Variants in PCDHA8 observed in about 807,000 individuals in gnomAD.
PCDHA8 encodes protocadherin alpha-8.
PCDHA8 carries 53 observed loss-of-function variants against 61.8 expected under a neutral mutation model. The ratio of observed to expected loss-of-function variants is 0.86; its 90% CI spans 0.69 to 1.08. The LOEUF is 1.08. Ranked by LOEUF, PCDHA8 falls within the 50% of genes least tolerant of loss-of-function variation. The pLI is 0.00. For missense variants in PCDHA8, 1,293 were observed against 1,245.0 expected (o/e 1.04, Z -0.58); for synonymous variants, 618 against 556.6 (o/e 1.11, Z -1.55).
At chr5:140,926,557 C>G (rs2083347198) in intron 1 of PCDHA8, 1 of 241,254 alleles carries the variant, frequency 4.1e-6, no homozygotes. Context: ...GACCCCAGCC[C>G]GCTGCTACTG....
chr5:140,929,179 G>T (rs782673786), intron 1 of PCDHA8: 5 of 1,614,104 alleles, frequency 3.1e-6, no homozygotes, highest in Non-Finnish European at 4.2e-6. Context: ...TCTGGGACTT[G>T]GTTCTGATAA....
At chr5:140,884,547 C>T (rs1554181712) in intron 1 of PCDHA8, 5 of 1,614,214 alleles carry the variant, frequency 3.1e-6, no homozygotes, top group Admixed American at 1.7e-5. Context: ...AGGGTGTGCT[C>T]TGGGGAGGGC....
Position 140,852,025 on chromosome 5 carries a change from G to A in PCDHA8, c.2394+8310G>A, listed in dbSNP as rs955032010. 1.9e-4 allele frequency: 179 copies of A among 947,094 alleles called. 7 individuals are homozygous for A. The highest frequency in any genetic ancestry group is 4.5e-4 in the African/African-American group (25 of 55,960). The allele number at this position is 947,094 out of a possible 1,614,324, so 58.7% of individuals were successfully genotyped here. A position where few individuals can be genotyped will look rare whatever the true frequency, so the allele number is the denominator to read the frequency against. On this transcript the variant is annotated intron_variant, in intron 1 of 3. Coordinates refer to ENST00000531613, the MANE Select transcript of PCDHA8 (RefSeq NM_018911.3). ...TCTAATTTATAGTTTTAAAAACTTC[G>A]CTTATTGAGTTTTTGTTATGTGGTT...
chr5:140,890,870 T>A (rs1217710440), intron 1 of PCDHA8, among the ~76,000 whole-genome samples: 1 of 152,226 alleles, frequency 6.6e-6, no homozygotes, highest in Non-Finnish European at 1.5e-5. Flanking sequence ...CTTGCCCCTC[T>A]GACCTTTCAT....
intron 1 of PCDHA8, among the ~76,000 whole-genome samples, chr5:140,965,085 C>T (rs1439379437): frequency 6.6e-6 from 1 of 152,142 alleles, no homozygotes; most frequent in African/African-American, 2.4e-5. Context: ...TGACTTTGTT[C>T]CAGTCCATAG....
At chr5:140,882,606 C>A (rs782588313) in intron 1 of PCDHA8, 1 of 1,614,120 alleles carries the variant, frequency 6.2e-7, no homozygotes, top group African/African-American at 1.3e-5. Context: ...GTGGACAGGC[C>A]TCTGCAGGTT....
chr5:141,004,094 G>C (rs962663466), intron 3 of PCDHA8, among the ~76,000 whole-genome samples: 1 of 152,194 alleles, frequency 6.6e-6, no homozygotes, highest in African/African-American at 2.4e-5. Flanking sequence ...TGCTTCTTCC[G>C]TTTTCATCTT....
chr5:140,924,238 T>A (rs781820581), intron 1 of PCDHA8, among the ~76,000 whole-genome samples: 5 of 152,244 alleles, frequency 3.3e-5, no homozygotes, highest in Admixed American at 1.3e-4. Flanking sequence ...ATGGGCTGTT[T>A]TGCATCCTGG....
At chr5:140,881,594 A>G (rs1464236535) in intron 1 of PCDHA8, among the ~76,000 whole-genome samples, 7 of 152,244 alleles carry the variant, frequency 4.6e-5, no homozygotes, top group Admixed American at 6.5e-5. Context: ...AGGGAAATTT[A>G]TTAATATGAT....
intron 1 of PCDHA8, chr5:140,849,828 G>A (rs2150452288): frequency 2.5e-6 from 4 of 1,598,564 alleles, no homozygotes; most frequent in East Asian, 2.2e-5. Flanking sequence ...GTCTGTGGAG[G>A]TGGCCGACGT....
intron 1 of PCDHA8, chr5:140,968,964 G>A (rs782792392): frequency 7.4e-6 from 12 of 1,614,136 alleles, no homozygotes; most frequent in East Asian, 4.5e-5. Context: ...AAGTGCTACC[G>A]CTACACTGCG....
intron 1 of PCDHA8, among the ~76,000 whole-genome samples, chr5:140,943,674 A>G (rs1401531217): frequency 6.6e-6 from 1 of 152,240 alleles, no homozygotes; most frequent in Non-Finnish European, 1.5e-5. Context: ...TAAAGTGTGA[A>G]AAAAAGGGAT....
intron 1 of PCDHA8, chr5:140,870,960 C>A: frequency 6.2e-7 from 1 of 1,613,670 alleles, no homozygotes. Flanking sequence ...GCTCGCGCAT[C>A]CCGTTCCGCG....
At chr5:140,947,362 C>T (rs1378703066) in intron 1 of PCDHA8, among the ~76,000 whole-genome samples, 2 of 151,632 alleles carry the variant, frequency 1.3e-5, no homozygotes, top group Admixed American at 6.6e-5. Context: ...TATTTCACTC[C>T]TTTGATCTAT....
At chr5:140,998,522 A>G (rs2097818629) in intron 3 of PCDHA8, among the ~76,000 whole-genome samples, 1 of 151,980 alleles carries the variant, frequency 6.6e-6, no homozygotes, top group South Asian at 2.1e-4. Context: ...TATTATTCAT[A>G]TTTATATCCC....
At chr5:140,857,652 G>A in intron 1 of PCDHA8, 4 of 1,596,610 alleles carry the variant, frequency 2.5e-6, no homozygotes, top group Admixed American at 1.7e-5. Context: ...TTCCAGGTGA[G>A]CGCGCGCGAT....
At chr5:140,971,892 G>T in intron 1 of PCDHA8, among the ~76,000 whole-genome samples, 1 of 151,812 alleles carries the variant, frequency 6.6e-6, no homozygotes, top group African/African-American at 2.4e-5. Context: ...AGCTCAGGGA[G>T]GTTAGGTAAT....
Position 140,849,058 on chromosome 5 carries a change from A to T in PCDHA8, c.2394+5343A>T, listed in dbSNP as rs1222593356. 1.9e-6 allele frequency: 3 copies of T among 1,550,796 alleles called. No homozygotes were observed. In the African/African-American group the frequency reaches 4.5e-5, roughly 23 times the overall value. ...CTGGACGTGCCAACCAGCAACCAGC[A>T]GGTAAAACCTCTTGGACTTGTATTA... On this transcript the variant is annotated intron_variant, in intron 1 of 3. Coordinates refer to ENST00000531613, the MANE Select transcript of PCDHA8 (RefSeq NM_018911.3).
chr5:140,884,750 A>G, intron 1 of PCDHA8: 1 of 1,431,238 alleles, frequency 7.0e-7, no homozygotes, highest in Non-Finnish European at 9.2e-7. Flanking sequence ...TGCCAATTTC[A>G]AATTATTCTT....
Sources: allele counts gnomAD v4.1 joint callset (sites outside exome capture counted in the v4.1 genomes callset), GRCh38; gene constraint gnomAD v4.1.1; transcripts MANE v1.5; gene names NCBI Gene and HGNC (gene_info 2026-07-23, HGNC 2026-07-21).